Variants in SLC22A15 observed in about 807,000 individuals in gnomAD.
The protein encoded by SLC22A15 is flipt 1.
SLC22A15 carries 45 observed loss-of-function variants against 62.7 expected under a neutral mutation model. The ratio of observed to expected loss-of-function variants is 0.72; its 90% CI spans 0.56 to 0.92. The LOEUF (loss-of-function observed/expected upper bound fraction) is 0.92. Among genes scored for constraint, SLC22A15 ranks in the 40% least tolerant of loss-of-function variants. The pLI is 0.00. For synonymous variants in SLC22A15, 264 were observed against 267.0 expected, an observed-to-expected ratio of 0.99 and a Z score of 0.11; for missense variants, 622 against 665.6, an observed-to-expected ratio of 0.93 and a Z score of 0.72.
intron 2 of SLC22A15, 24 bp downstream of exon 2, chr1:115,992,267 C>T (rs1655183529): frequency 3.3e-6 from 5 of 1,529,012 alleles, no homozygotes; most frequent in African/African-American, 2.7e-5. Flanking sequence ...GTTTCAATCA[C>T]TAAATAAATG....
intron 8 of SLC22A15, among the ~76,000 whole-genome samples, chr1:116,044,173 C>G (rs1657866322): frequency 6.6e-6 from 1 of 152,208 alleles, no homozygotes; most frequent in African/African-American, 2.4e-5. Flanking sequence ...ACAGATCAAT[C>G]TCTCTTATTA....
intron 1 of SLC22A15, among the ~76,000 whole-genome samples, chr1:115,983,022 C>A (rs1233871363): frequency 6.6e-6 from 1 of 152,204 alleles, no homozygotes; most frequent in Admixed American, 6.5e-5. Context: ...TATTAAATAG[C>A]ATTAACTCTT....
At position 116,062,800 on chromosome 1, in the gene SLC22A15, T is replaced by C; in HGVS notation, c.1210T>C (p.Ser404Pro). 1 of 1,613,968 alleles carries C rather than the reference T, an allele frequency of 6.2e-7. No homozygotes were observed. Among genetic ancestry groups the C allele is most frequent in the East Asian group, 2.2e-5 (1 of 44,880 alleles). The change falls in exon 9 of 12, where the codon TCC becomes CCC. Residue 404 changes from serine (S) to proline (P), a missense_variant. By Grantham distance (74) the Ser-to-Pro change is moderately conservative. Transcript: ENST00000369503. Reference sequence around the variant, plus strand: ...TGCAGTGGTGAACAGCCATTCCTTGTCCTTGCTGGGGAAGCTGACCATCAG... The same window carrying C: ...TGCAGTGGTGAACAGCCATTCCTTGCCCTTGCTGGGGAAGCTGACCATCAG... ...VFAVVNSHSL[S>P]LLGKLTISAA...
chr1:116,045,353 A>T (rs765190886), intron 8 of SLC22A15, among the ~76,000 whole-genome samples: 5 of 152,018 alleles, frequency 3.3e-5, no homozygotes, highest in Non-Finnish European at 7.4e-5. Context: ...GGCCAATACT[A>T]AAATTTTTAT....
intron 8 of SLC22A15, among the ~76,000 whole-genome samples, chr1:116,057,029 T>C (rs532590607): frequency 6.6e-6 from 1 of 151,824 alleles, no homozygotes. Context: ...CCAAAAGCAA[T>C]GGCAACAAAA....
chr1:115,980,520 A>C (rs573803451), intron 1 of SLC22A15, among the ~76,000 whole-genome samples: 2 of 152,368 alleles, frequency 1.3e-5, no homozygotes, highest in African/African-American at 4.8e-5. Context: ...ATATATGACT[A>C]TATGGAGGAA....
At chr1:116,065,454 A>T (rs1440501461) in intron 10 of SLC22A15, among the ~76,000 whole-genome samples, 1 of 152,134 alleles carries the variant, frequency 6.6e-6, no homozygotes, top group African/African-American at 2.4e-5. Context: ...ACAACATTAT[A>T]ATACCCAGCA....
chr1:116,060,088 A>T (rs150610039), intron 8 of SLC22A15, among the ~76,000 whole-genome samples: 1 of 152,366 alleles, frequency 6.6e-6, no homozygotes, highest in African/African-American at 2.4e-5. Flanking sequence ...ATTTTCAGAT[A>T]AAGAATCCAG....
chr1:116,036,445 C>A (rs1248095554), intron 7 of SLC22A15, among the ~76,000 whole-genome samples: 1 of 152,106 alleles, frequency 6.6e-6, no homozygotes, highest in African/African-American at 2.4e-5. Flanking sequence ...ACCTTCTTAG[C>A]GCCCCCCAGA....
chr1:115,990,016 C>G (rs1022006553), intron 1 of SLC22A15, among the ~76,000 whole-genome samples: 2 of 152,066 alleles, frequency 1.3e-5, no homozygotes, highest in African/African-American at 4.8e-5. Flanking sequence ...ATAAAATAAG[C>G]AAATACATAA....
rs1258246541 is a variant in SLC22A15, at chr1:115,976,701, C to T, written c.74C>T (p.Ala25Val). The T allele has an allele frequency of 3.2e-6, 5 of 1,583,418 alleles. No individual in the cohort carries two copies. Among genetic ancestry groups the T allele is most frequent in the Non-Finnish European group, 8.6e-7 (1 of 1,166,496 alleles). ...IYQMYLCFLL[A>V]VLLQLYVATE... ...CAGATGTACTTGTGCTTCCTGCTGG[C>T]CGTGCTGCTGCAGGTAAGTCCCCGC... Residue 25 changes from alanine (A) to valine (V), a missense_variant, in exon 1 of 12, where the codon GCC becomes GTC. Transcript: ENST00000369503.
At chr1:115,992,387 A>G in intron 2 of SLC22A15, 144 bp downstream of exon 2, 1 of 715,180 alleles carries the variant, frequency 1.4e-6, no homozygotes, top group South Asian at 1.9e-5. Context: ...TTAATGTATC[A>G]AAGGAGAACA....
chr1:116,024,924 G>T (rs544393004), intron 4 of SLC22A15, among the ~76,000 whole-genome samples: 1 of 152,228 alleles, frequency 6.6e-6, no homozygotes, highest in East Asian at 1.9e-4. Flanking sequence ...CAGTGGGTGG[G>T]ACATTCTTGG....
chr1:116,052,613 C>G (rs1344269482), intron 8 of SLC22A15, among the ~76,000 whole-genome samples: 2 of 152,198 alleles, frequency 1.3e-5, no homozygotes, highest in South Asian at 2.1e-4. Context: ...TCAAGTGGGT[C>G]CCTGACCCCT....
intron 6 of SLC22A15, chr1:116,032,592 G>A (rs1034017239): frequency 2.0e-6 from 2 of 985,228 alleles, no homozygotes; most frequent in African/African-American, 3.5e-5. Flanking sequence ...CCAAGCAGTG[G>A]CTGCCACCTG....
At chr1:116,051,274 G>T (rs1193318978) in intron 8 of SLC22A15, among the ~76,000 whole-genome samples, 1 of 152,024 alleles carries the variant, frequency 6.6e-6, no homozygotes, top group Non-Finnish European at 1.5e-5. Flanking sequence ...TAAGCAAAAA[G>T]AACAAATCTG....
chr1:115,995,653 T>G (rs1398773694), intron 2 of SLC22A15, among the ~76,000 whole-genome samples: 4 of 152,216 alleles, frequency 2.6e-5, no homozygotes, highest in African/African-American at 9.7e-5. Flanking sequence ...TGTCTGTCTG[T>G]CTCTGTCTGC....
At chr1:116,038,422 T>G (rs1287813921) in intron 8 of SLC22A15, among the ~76,000 whole-genome samples, 3 of 152,210 alleles carry the variant, frequency 2.0e-5, no homozygotes, top group Non-Finnish European at 1.5e-5. Context: ...TTTATAACCC[T>G]CCAGTATATC....
chr1:116,018,811 A>G (rs188714791), intron 2 of SLC22A15, among the ~76,000 whole-genome samples: 2 of 152,332 alleles, frequency 1.3e-5, no homozygotes, highest in Non-Finnish European at 2.9e-5. Flanking sequence ...TATTATTGTT[A>G]GCTATAGTCA....
Sources: gnomAD v4.1 joint callset for allele counts (sites outside exome capture counted in the v4.1 genomes callset) on GRCh38, gnomAD v4.1.1 for gene constraint, MANE v1.5 for transcripts, NCBI Gene and HGNC (gene_info 2026-07-23, HGNC 2026-07-21) for gene names.